The following TTC17 variants were observed in gnomAD, a reference collection of about 807,000 sequenced individuals.
TTC17 encodes the protein tetratricopeptide repeat protein 17.
In TTC17, 58 loss-of-function variants were observed where a neutral mutation model predicts 143.8. That is an observed-to-expected ratio of 0.40 (90% confidence interval 0.33 to 0.50). The LOEUF (loss-of-function observed/expected upper bound fraction) is 0.50, where lower values mean the gene tolerates loss of function less well. Ranked by LOEUF, TTC17 falls within the 20% of genes least tolerant of loss-of-function variation. The pLI is 0.49. For missense variants in TTC17, 1,273 were observed against 1,392.5 expected, an observed-to-expected ratio of 0.91 and a Z score of 1.37; for synonymous variants, 501 against 497.8, an observed-to-expected ratio of 1.01 and a Z score of -0.09.
chr11:43,435,092 T>C (rs1158939276), intron 16 of TTC17: 9 of 151,012 alleles, frequency 6.0e-5, no homozygotes, highest in African/African-American at 1.7e-4. Context: ...GATAGATAGA[T>C]AGATAGATAG....
intron 1 of TTC17, among the ~76,000 whole-genome samples, chr11:43,372,745 C>T (rs543211272): frequency 6.6e-6 from 1 of 152,200 alleles, no homozygotes; most frequent in African/African-American, 2.4e-5. Flanking sequence ...CCCGCCTCAG[C>T]CTGCCAAAGT....
chr11:43,392,314 G>A (rs1402935114), intron 5 of TTC17, among the ~76,000 whole-genome samples: 1 of 152,076 alleles, frequency 6.6e-6, no homozygotes, highest in East Asian at 1.9e-4. Context: ...ACTGTTTTCT[G>A]AGACAGAAAA....
chr11:43,492,036 G>A lies in TTC17; in HGVS notation c.3167G>A (p.Ser1056Asn), dbSNP rs747099957. 6.8e-6 allele frequency: 11 copies of A among 1,613,822 alleles called. No individual in the cohort carries two copies. The highest frequency in any genetic ancestry group is 8.5e-6 in the Non-Finnish European group (10 of 1,179,934). ...TTCTCCCAGGATGTGCCCCTGATTA[G>A]CCTGGCCAACATCTTGCACAATGCC... ...PHQMKDVPLI[S>N]LANILHNAKL... Residue 1056 changes from serine to asparagine, a missense_variant, in exon 23 of 24, where the codon AGC becomes AAC. Around this residue, in one of 3 missense-constraint regions of TTC17, gnomAD observed 878 missense variants for 899.8 expected, o/e 0.98. Transcript: ENST00000039989.
At chr11:43,365,775 A>G (rs1310984340) in intron 1 of TTC17, among the ~76,000 whole-genome samples, 2 of 152,184 alleles carry the variant, frequency 1.3e-5, no homozygotes, top group African/African-American at 4.8e-5. Context: ...AGGATTCTAC[A>G]TTTTTATCAA....
chr11:43,390,882 T>G (rs987596470), intron 3 of TTC17, among the ~76,000 whole-genome samples: 1 of 152,102 alleles, frequency 6.6e-6, no homozygotes, highest in African/African-American at 2.4e-5. Context: ...GAAGTATAAA[T>G]TGGTTTAACG....
rs1195950160 is a variant in TTC17, at chr11:43,391,535, C to T, written c.490C>T (p.Leu164=). 6.2e-7 allele frequency: 1 copy of T among 1,606,424 alleles called. No homozygotes were observed. Among genetic ancestry groups the T allele is most frequent in the Non-Finnish European group, 8.5e-7 (1 of 1,177,868 alleles). The change falls in exon 4 of 24, where the codon CTA becomes TTA. Residue 164 remains leucine (L), a synonymous_variant. Transcript: ENST00000039989. ...AGAGCAACCTGATTGTACTAAAATTCTAGAACTTCCATATAGTATACATGC... is the reference window on the plus strand; with the variant it reads ...AGAGCAACCTGATTGTACTAAAATTTTAGAACTTCCATATAGTATACATGC... ...DPEQPDCTKI[L]ELPYSIHAFQ...
chr11:43,439,825 A>C (rs966474558), intron 16 of TTC17, among the ~76,000 whole-genome samples: 6 of 152,072 alleles, frequency 3.9e-5, no homozygotes, highest in African/African-American at 1.4e-4. Flanking sequence ...GATAGTACCT[A>C]ATATGGCTCA....
chr11:43,413,467 AT>A (rs1475693938), intron 15 of TTC17, among the ~76,000 whole-genome samples: 4 of 152,230 alleles, frequency 2.6e-5, no homozygotes, highest in African/African-American at 9.6e-5. Context: ...AAAGAAAAAA[AT>A]GATAAGCTGA....
chr11:43,446,211 A>G (rs1947538085), intron 18 of TTC17: 4 of 1,276,852 alleles, frequency 3.1e-6, no homozygotes. Flanking sequence ...TCTGCCTGGA[A>G]TGCCCTGTGC....
intron 2 of TTC17, among the ~76,000 whole-genome samples, chr11:43,384,178 TTACAAA>T (rs1857084413): frequency 6.6e-6 from 1 of 151,568 alleles, no homozygotes; most frequent in Non-Finnish European, 1.5e-5. Flanking sequence ...GTTACCAAAC[TTACAAA>T]TAAAAAAAGA....
In TTC17 at chr11:43,409,038, C is replaced by T. The variant is rs1022427015; in HGVS notation, c.2064+1461C>T. On this transcript the variant is annotated intron_variant, in intron 15 of 23. Transcript: ENST00000039989. ...GATTACAGGCATGCACCACCACACC[C>T]GGCCCCAAAAATGTTCCTTAATCAG... is the stretch of plus-strand genomic sequence containing the variant. 9.2e-5 allele frequency among the ~76,000 whole-genome samples: 14 copies of T among 152,204 alleles called. 1 individual carries two copies. In the South Asian group the frequency reaches 2.1e-3, roughly 23 times the overall value.
chr11:43,435,076 A>ATGATAGAT (rs1947256347), intron 16 of TTC17: 1 of 125,018 alleles, frequency 8.0e-6, no homozygotes, highest in South Asian at 2.7e-4. Flanking sequence ...CACAGATAAG[A>ATGATAGAT]TGATAGATAG....
At chr11:43,419,220 T>C (rs573457143) in intron 16 of TTC17, among the ~76,000 whole-genome samples, 1 of 152,348 alleles carries the variant, frequency 6.6e-6, no homozygotes, top group African/African-American at 2.4e-5. Flanking sequence ...CTTTAATGTT[T>C]AGGTGTTCCT....
intron 16 of TTC17, 150 bp downstream of exon 16, chr11:43,414,926 C>T: frequency 1.2e-6 from 1 of 833,988 alleles, no homozygotes; most frequent in Non-Finnish European, 1.8e-6. Flanking sequence ...ATGTTAATTC[C>T]TTACTTACTA....
chr11:43,488,824 C>T (rs922941098), intron 21 of TTC17, among the ~76,000 whole-genome samples: 2 of 152,252 alleles, frequency 1.3e-5, no homozygotes, highest in East Asian at 3.9e-4. Flanking sequence ...CCTCAGCCTC[C>T]TAAGTAGTTG....
chr11:43,424,282 C>T (rs1385939200), intron 16 of TTC17, among the ~76,000 whole-genome samples: 3 of 151,332 alleles, frequency 2.0e-5, no homozygotes, highest in Admixed American at 6.6e-5. Flanking sequence ...TTGGTAGAGA[C>T]GGGGTTTCGC....
At chr11:43,435,289 A>G (rs541452491) in intron 16 of TTC17, 2 of 152,290 alleles carry the variant, frequency 1.3e-5, no homozygotes, top group East Asian at 3.9e-4. Context: ...TTCATTGACA[A>G]TGTCCATGGA....
At chr11:43,359,235 G>T in intron 1 of TTC17, 122 bp downstream of exon 1, 1 of 1,264,990 alleles carries the variant, frequency 7.9e-7, no homozygotes, top group Non-Finnish European at 1.0e-6. Context: ...ACAGGGAGGT[G>T]GCACCGCGAC....
chr11:43,483,695 T>C (rs1395925303), intron 21 of TTC17, among the ~76,000 whole-genome samples: 2 of 152,336 alleles, frequency 1.3e-5, no homozygotes, highest in African/African-American at 4.8e-5. Flanking sequence ...TTCCTTAATG[T>C]GGTGAAAATA....
Sources: allele counts gnomAD v4.1 joint callset (sites outside exome capture counted in the v4.1 genomes callset), GRCh38; gene constraint gnomAD v4.1.1; regional missense constraint gnomAD v4.1.1; transcripts MANE v1.5; gene names NCBI Gene and HGNC (gene_info 2026-07-23, HGNC 2026-07-21).